TBC1D22A: variants seen among roughly 807,000 people sequenced by gnomAD.
The protein encoded by TBC1D22A is putative GTPase activator.
Under a neutral mutation model 60.2 loss-of-function variants are expected in TBC1D22A, and 38 were observed. The ratio of observed to expected loss-of-function variants is 0.63; its 90% CI spans 0.49 to 0.83. The LOEUF is 0.83. Among genes scored for constraint, TBC1D22A ranks in the 40% least tolerant of loss-of-function variants. TBC1D22A has a pLI of 0.00. For missense variants in TBC1D22A, 628 were observed against 701.0 expected (o/e 0.90, Z 1.18); for synonymous variants, 302 against 281.7 (o/e 1.07, Z -0.72).
At chr22:47,075,244 A>G (rs1479459004) in intron 11 of TBC1D22A, among the ~76,000 whole-genome samples, 2 of 151,558 alleles carry the variant, frequency 1.3e-5, no homozygotes, top group Non-Finnish European at 2.9e-5. Context: ...AAAGAGAACC[A>G]AAGTACTAAA....
chr22:47,004,725 C>T (rs1379137066), intron 10 of TBC1D22A, among the ~76,000 whole-genome samples: 1 of 147,482 alleles, frequency 6.8e-6, no homozygotes, highest in Non-Finnish European at 1.5e-5. Context: ...ACACACCTGC[C>T]ATATACACAT....
In TBC1D22A at chr22:46,979,537, C is replaced by T. The variant is rs959150104; in HGVS notation, c.1125+5138C>T. On this transcript the variant is annotated intron_variant, in intron 9 of 12. Coordinates refer to ENST00000337137, the MANE Select transcript of TBC1D22A (RefSeq NM_014346.5). The stretch of plus-strand genomic sequence containing the variant: ...CGACGCTTCTGTTTCTGGATTTGCC[C>T]CTCAGGCTTTCCGTGTTCTTCCACG... Among the ~76,000 whole-genome samples, 3 of 152,232 alleles carry T rather than the reference C, an allele frequency of 2.0e-5. No individual in the cohort carries two copies. In the East Asian group the frequency reaches 5.8e-4, roughly 29 times the overall value.
Position 46,892,738 on chromosome 22 carries a change from C to T in TBC1D22A, c.837+1344C>T, listed in dbSNP as rs112005097. Among the ~76,000 whole-genome samples the T allele has an allele frequency of 8.7e-4, 133 of 152,224 alleles. 1 individual carries two copies. Among genetic ancestry groups the T allele is most frequent in the African/African-American group, 3.0e-3 (123 of 41,518 alleles). On this transcript the variant is annotated intron_variant, in intron 6 of 12. Transcript: ENST00000337137. ...AAAGGATGACACTAGCATCTATCTG[C>T]GAGTTTTACCAAGTGGAATTCTGTT...
intron 4 of TBC1D22A, among the ~76,000 whole-genome samples, chr22:46,862,290 G>A (rs1285489972): frequency 2.6e-5 from 4 of 152,200 alleles, no homozygotes; most frequent in South Asian, 4.1e-4. Context: ...TCACGAAGTG[G>A]GTCCTCTGTA....
intron 11 of TBC1D22A, among the ~76,000 whole-genome samples, chr22:47,065,631 T>G (rs2063731826): frequency 6.6e-6 from 1 of 152,284 alleles, no homozygotes; most frequent in African/African-American, 2.4e-5. Flanking sequence ...TTAGCAGGCC[T>G]CGGAGTTGGG....
At chr22:46,792,300 T>TGTGTGGG (rs1021959056) in intron 1 of TBC1D22A, among the ~76,000 whole-genome samples, 6 of 151,992 alleles carry the variant, frequency 3.9e-5, no homozygotes, top group African/African-American at 1.2e-4. Flanking sequence ...ATGCCCTGCT[T>TGTGTGGG]GTGTGGGGTG....
At chr22:46,845,892 G>A (rs1029623416) in intron 4 of TBC1D22A, among the ~76,000 whole-genome samples, 5 of 152,230 alleles carry the variant, frequency 3.3e-5, no homozygotes, top group African/African-American at 9.6e-5. Flanking sequence ...GGAAGGAACC[G>A]CGGCGAGCCG....
chr22:46,868,052 G>A (rs920713615), intron 4 of TBC1D22A, among the ~76,000 whole-genome samples: 2 of 152,202 alleles, frequency 1.3e-5, no homozygotes, highest in African/African-American at 2.4e-5. Context: ...TGTTGCTGCC[G>A]TTGCTTTACA....
At chr22:46,824,252 C>T (rs9627579) in intron 4 of TBC1D22A, among the ~76,000 whole-genome samples, 3,176 of 152,076 alleles carry the variant, frequency 0.021, 108 homozygotes, top group African/African-American at 0.071. Flanking sequence ...CTGTGTTGGA[C>T]GGTGCAGGGG....
At chr22:47,165,840 C>T (rs1385160987) in intron 12 of TBC1D22A, among the ~76,000 whole-genome samples, 10 of 152,160 alleles carry the variant, frequency 6.6e-5, no homozygotes, top group Non-Finnish European at 1.5e-4. Context: ...CACTCCACAG[C>T]ACCTGCTGTG....
At chr22:47,060,462 G>A (rs1436701285) in intron 11 of TBC1D22A, among the ~76,000 whole-genome samples, 5 of 151,832 alleles carry the variant, frequency 3.3e-5, no homozygotes, top group African/African-American at 4.8e-5. Context: ...ATGGAGTCTC[G>A]CTCTGTAGCC....
intron 10 of TBC1D22A, among the ~76,000 whole-genome samples, chr22:47,031,475 TA>T (rs2062471590): frequency 6.6e-6 from 1 of 152,246 alleles, no homozygotes; most frequent in Admixed American, 6.5e-5. Flanking sequence ...CCTGTGAGGT[TA>T]ACGCTGTGTC....
chr22:46,993,957 G>A (rs6009086), intron 9 of TBC1D22A, among the ~76,000 whole-genome samples: 1,552 of 152,312 alleles, frequency 0.01, 28 homozygotes, highest in African/African-American at 0.035. Flanking sequence ...GGGTGGGGCC[G>A]GGCGTCCCTG....
At chr22:46,801,267 C>T (rs1460340845) in intron 4 of TBC1D22A, among the ~76,000 whole-genome samples, 1 of 152,144 alleles carries the variant, frequency 6.6e-6, no homozygotes, top group African/African-American at 2.4e-5. Flanking sequence ...TTTTATAAGG[C>T]AGTTAAGATA....
At chr22:46,959,377 G>A (rs1177986563) in intron 8 of TBC1D22A, among the ~76,000 whole-genome samples, 1 of 152,210 alleles carries the variant, frequency 6.6e-6, no homozygotes, top group African/African-American at 2.4e-5. Context: ...CCGCAGGTTG[G>A]TTGGCGGGGC....
intron 10 of TBC1D22A, among the ~76,000 whole-genome samples, chr22:47,016,517 G>A (rs1193648530): frequency 2.0e-5 from 3 of 152,172 alleles, no homozygotes; most frequent in African/African-American, 7.2e-5. Context: ...CCCTCCATTG[G>A]CTCATCCTGA....
intron 12 of TBC1D22A, among the ~76,000 whole-genome samples, chr22:47,137,931 G>A (rs1217058102): frequency 6.6e-6 from 1 of 152,094 alleles, no homozygotes; most frequent in Admixed American, 6.5e-5. Flanking sequence ...CCCTGCCTTC[G>A]CCTCCCTCTT....
At chr22:46,965,087 T>G (rs1339586567) in intron 8 of TBC1D22A, among the ~76,000 whole-genome samples, 2 of 152,246 alleles carry the variant, frequency 1.3e-5, no homozygotes, top group Non-Finnish European at 2.9e-5. Context: ...AAAGTCACCT[T>G]GCTGGAGCGG....
At chr22:46,802,993 A>G (rs2084961449) in intron 4 of TBC1D22A, among the ~76,000 whole-genome samples, 1 of 152,112 alleles carries the variant, frequency 6.6e-6, no homozygotes, top group African/African-American at 2.4e-5. Flanking sequence ...AGAAATCAGA[A>G]CACACTCCAG....
Sources: allele counts gnomAD v4.1 joint callset (sites outside exome capture counted in the v4.1 genomes callset), GRCh38; gene constraint gnomAD v4.1.1; transcripts MANE v1.5; gene names NCBI Gene and HGNC (gene_info 2026-07-23, HGNC 2026-07-21).